MYO1D: variants seen among roughly 807,000 people sequenced by gnomAD.
MYO1D encodes the protein unconventional myosin-Id.
In MYO1D, 83 loss-of-function variants were observed where a neutral mutation model predicts 122.0. That is an observed-to-expected ratio of 0.68 (90% CI 0.57 to 0.82). The LOEUF (loss-of-function observed/expected upper bound fraction) is 0.82, where lower values mean the gene tolerates loss of function less well. Ranked by LOEUF, MYO1D falls within the 40% of genes least tolerant of loss-of-function variation. MYO1D has a pLI of 0.00. For synonymous variants in MYO1D, 464 were observed against 446.9 expected (o/e 1.04, Z -0.48); for missense variants, 1,157 against 1,269.5 (o/e 0.91, Z 1.35).
At chr17:32,664,216 G>C (rs981069758) in intron 16 of MYO1D, among the ~76,000 whole-genome samples, 3 of 152,114 alleles carry the variant, frequency 2.0e-5, no homozygotes, top group Non-Finnish European at 2.9e-5. Context: ...AAATAGATAC[G>C]CTTCCATAAA....
chr17:32,715,681 A>C (rs1013843887), intron 15 of MYO1D, among the ~76,000 whole-genome samples: 8 of 152,272 alleles, frequency 5.3e-5, no homozygotes, highest in African/African-American at 1.9e-4. Flanking sequence ...AAGTATATAA[A>C]ATATAAACAT....
chr17:32,689,303 G>A (rs1175856923), intron 16 of MYO1D, among the ~76,000 whole-genome samples: 1 of 152,122 alleles, frequency 6.6e-6, no homozygotes, highest in Admixed American at 6.5e-5. Flanking sequence ...TATTTTCTAT[G>A]AGTGTTTGGT....
intron 1 of MYO1D, among the ~76,000 whole-genome samples, chr17:32,805,343 T>C (rs2090501546): frequency 6.6e-6 from 1 of 152,212 alleles, no homozygotes. Context: ...TATTTATTTT[T>C]AATCCTAATT....
chr17:32,777,742 G>A (rs556223384), intron 3 of MYO1D, among the ~76,000 whole-genome samples: 2 of 151,654 alleles, frequency 1.3e-5, no homozygotes, highest in Admixed American at 6.6e-5. Context: ...TCAGGAGATC[G>A]AGACCACAGT....
intron 1 of MYO1D, among the ~76,000 whole-genome samples, chr17:32,869,036 C>T (rs377620888): frequency 6.9e-6 from 1 of 145,140 alleles, no homozygotes; most frequent in African/African-American, 2.6e-5. Flanking sequence ...TAGCAAAACC[C>T]CATCTCTACT....
rs543335455 is a variant in MYO1D, at chr17:32,870,498, G to A, written c.95+6280C>T. Among the ~76,000 whole-genome samples, 146 of 151,362 alleles carry A rather than the reference G, an allele frequency of 9.6e-4. No homozygotes were observed. The Middle Eastern group carries it at 0.01, about 11-fold the overall frequency. Reference sequence around the variant, plus strand: ...AATACAGGGGTGGTGTGGTGAGTATGTGTGTGTCTGTTTCCTGCCTTTCTT... The same window carrying A: ...AATACAGGGGTGGTGTGGTGAGTATATGTGTGTCTGTTTCCTGCCTTTCTT... On this transcript the variant is annotated intron_variant, in intron 1 of 21. Coordinates refer to ENST00000318217, the MANE Select transcript of MYO1D (RefSeq NM_015194.3).
At chr17:32,735,540 G>C (rs1598051271) in intron 14 of MYO1D, among the ~76,000 whole-genome samples, 1 of 152,086 alleles carries the variant, frequency 6.6e-6, no homozygotes, top group African/African-American at 2.4e-5. Context: ...GGGTTCCTTT[G>C]ATCTATTAGA....
At chr17:32,625,021 A>G (rs1053077201) in intron 20 of MYO1D, among the ~76,000 whole-genome samples, 7 of 151,930 alleles carry the variant, frequency 4.6e-5, no homozygotes, top group Non-Finnish European at 7.4e-5. Context: ...GAACTCCTGG[A>G]CTCAAGTGAT....
At position 32,780,790 on chromosome 17, in the gene MYO1D, C is replaced by G. The variant is rs188459613; in HGVS notation, c.96-6G>C. The G allele has an allele frequency of 6.2e-7, 1 of 1,613,718 alleles. No individual in the cohort carries two copies. On this transcript the variant is annotated splice_region_variant and splice_polypyrimidine_tract_variant and intron_variant, in intron 1 of 21. Coordinates refer to ENST00000318217, the MANE Select transcript of MYO1D (RefSeq NM_015194.3). ...AGATGCGCCCTTTTTCAAATCTGTA[C>G]AGAAGCAAAAGAAAAGGAAGACGTA...
At chr17:32,596,301 G>A (rs759299363) in intron 21 of MYO1D, among the ~76,000 whole-genome samples, 4 of 152,208 alleles carry the variant, frequency 2.6e-5, no homozygotes, top group Non-Finnish European at 5.9e-5. Flanking sequence ...ATGGAAACGG[G>A]TATTCAGGTT....
chr17:32,687,433 A>G (rs530172739), intron 16 of MYO1D, among the ~76,000 whole-genome samples: 1 of 152,210 alleles, frequency 6.6e-6, no homozygotes, highest in African/African-American at 2.4e-5. Flanking sequence ...TCCTGACCTC[A>G]TGATCCACCC....
intron 12 of MYO1D, among the ~76,000 whole-genome samples, chr17:32,748,082 C>T (rs1445245410): frequency 1.3e-5 from 2 of 152,246 alleles, no homozygotes; most frequent in African/African-American, 2.4e-5. Flanking sequence ...TGACTTAAGC[C>T]ACCGATTGTG....
chr17:32,839,376 T>C (rs1660334571), intron 1 of MYO1D, among the ~76,000 whole-genome samples: 2 of 152,218 alleles, frequency 1.3e-5, no homozygotes, highest in African/African-American at 2.4e-5. Flanking sequence ...AAAATAATTG[T>C]AACCTATAGT....
intron 21 of MYO1D, among the ~76,000 whole-genome samples, chr17:32,561,363 T>A (rs1352510073): frequency 3.3e-5 from 5 of 152,022 alleles, no homozygotes; most frequent in Non-Finnish European, 7.4e-5. Flanking sequence ...CCTTTTTTTT[T>A]AATTCTAAAA....
At chr17:32,594,485 TCA>T (rs2087471619) in intron 21 of MYO1D, 1 of 507,664 alleles carries the variant, frequency 2.0e-6, no homozygotes, top group Non-Finnish European at 3.6e-6. Context: ...CCTCTTCATC[TCA>T]GTTTGCCATG....
chr17:32,698,485 G>A (rs2089203744), intron 16 of MYO1D, among the ~76,000 whole-genome samples: 1 of 150,106 alleles, frequency 6.7e-6, no homozygotes, highest in South Asian at 2.1e-4. Context: ...GTTTTACAAA[G>A]AAGTCAGAGT....
intron 1 of MYO1D, among the ~76,000 whole-genome samples, chr17:32,864,321 T>G (rs2091105642): frequency 6.6e-6 from 1 of 151,804 alleles, no homozygotes; most frequent in Non-Finnish European, 1.5e-5. Context: ...CTAAACAAGC[T>G]TAGTCCCTAG....
At chr17:32,769,630 TTTAA>T (rs2090094369) in intron 6 of MYO1D, among the ~76,000 whole-genome samples, 1 of 152,092 alleles carries the variant, frequency 6.6e-6, no homozygotes, top group African/African-American at 2.4e-5. Flanking sequence ...AACAGGTTTA[TTTAA>T]TTAGGATTTA....
At chr17:32,745,524 C>A in intron 12 of MYO1D, 1 of 366,842 alleles carries the variant, frequency 2.7e-6, no homozygotes, top group South Asian at 4.4e-5. Context: ...TTGCTTACCT[C>A]AAGAAGATGA....
Sources: allele counts gnomAD v4.1 joint callset (sites outside exome capture counted in the v4.1 genomes callset), GRCh38; gene constraint gnomAD v4.1.1; transcripts MANE v1.5; gene names NCBI Gene and HGNC (gene_info 2026-07-23, HGNC 2026-07-21).